The following ENG variants were observed in gnomAD, a reference collection of about 807,000 sequenced individuals.
ENG encodes the protein endoglin, also known as CD105 antigen.
Under a neutral mutation model 71.0 loss-of-function variants are expected in ENG, and 17 were observed. That is an observed-to-expected ratio of 0.24 (90% CI 0.16 to 0.36). ENG has a LOEUF of 0.36. ENG is among the 10% of genes least tolerant of loss of function. The probability of loss-of-function intolerance (pLI) is 1.00; values close to 1 mark genes in which losing one functional copy is unlikely to be tolerated. For synonymous variants in ENG, 360 were observed against 366.9 expected (o/e 0.98, Z 0.21); for missense variants, 749 against 868.3 (o/e 0.86, Z 1.73).
At chr9:127,828,172 C>A (rs918289026) in intron 3 of ENG, among the ~76,000 whole-genome samples, 2 of 152,088 alleles carry the variant, frequency 1.3e-5, no homozygotes, top group Non-Finnish European at 2.9e-5. Context: ...AATGGCCCAT[C>A]TAGAAGGAAG....
intron 10 of ENG, 89 bp downstream of exon 10, chr9:127,819,533 G>T (rs368202311): frequency 6.3e-7 from 1 of 1,577,884 alleles, no homozygotes; most frequent in Non-Finnish European, 8.7e-7. Flanking sequence ...GGAGTTTCCC[G>T]AGGCCTGCTC....
intron 10 of ENG, chr9:127,819,098 C>A: frequency 2.5e-6 from 1 of 401,212 alleles, no homozygotes; most frequent in Non-Finnish European, 4.7e-6. Context: ...CCACCACGCC[C>A]GGCTAATTTT....
rs369766351 is a variant in ENG, at chr9:127,818,114, A to C, written c.1686+6T>G. 3.6e-4 allele frequency: 578 copies of C among 1,613,876 alleles called. 1 individual carries two copies. Among genetic ancestry groups the C allele is most frequent in the Non-Finnish European group, 4.7e-4 (560 of 1,180,016 alleles). ...TGAAGCTGGGGCCGGCCCAGGCCCC[A>C]CTCACCTGGTCTTGAGACCCGGTCT... On this transcript the variant is annotated splice_donor_region_variant and intron_variant, in intron 12 of 14. Coordinates refer to ENST00000373203, the MANE Select transcript of ENG (RefSeq NM_001114753.3).
intron 3 of ENG, 34 bp from the exon 4 acceptor site, chr9:127,826,706 C>T (rs1830625936): frequency 1.2e-6 from 2 of 1,611,552 alleles, no homozygotes; most frequent in East Asian, 4.5e-5. Context: ...GCACGCTGTT[C>T]CTGGCCCTGT....
intron 8 of ENG, among the ~76,000 whole-genome samples, chr9:127,824,018 G>T (rs766610172): frequency 2.0e-5 from 3 of 152,084 alleles, no homozygotes; most frequent in Non-Finnish European, 2.9e-5. Flanking sequence ...CCAGCTCAGG[G>T]AGCATTTAGG....
chr9:127,819,521 CA>C (rs1394523479), intron 10 of ENG, 100 bp downstream of exon 10: 2 of 1,535,594 alleles, frequency 1.3e-6, no homozygotes, highest in African/African-American at 2.7e-5. Context: ...CATGGCTTGC[CA>C]GGAGTTTCCC....
chr9:127,837,425 GCTT>G (rs1338198156), intron 2 of ENG, among the ~76,000 whole-genome samples: 2 of 152,122 alleles, frequency 1.3e-5, no homozygotes, highest in African/African-American at 4.8e-5. Flanking sequence ...GGAGAGATAT[GCTT>G]CTTCCTCAGC....
rs1234849887 is a variant in ENG at position 127,846,336 on chromosome 9, G to A, written c.68-3091C>T. Among the ~76,000 whole-genome samples, 1 of 152,168 alleles carries A rather than the reference G, an allele frequency of 6.6e-6. No individual in the cohort carries two copies. Among genetic ancestry groups the A allele is most frequent in the Non-Finnish European group, 1.5e-5 (1 of 68,018 alleles). Reference sequence around the variant, plus strand: ...TGGGGAGACTGAGGTCTGGAGGGACGGGACAGGTCAAAGTCTCACAGCACA... The same window carrying A: ...TGGGGAGACTGAGGTCTGGAGGGACAGGACAGGTCAAAGTCTCACAGCACA... On this transcript the variant is annotated intron_variant, in intron 1 of 14. Coordinates refer to ENST00000373203, the MANE Select transcript of ENG (RefSeq NM_001114753.3). The surrounding 1 kb of genome is among the most constrained non-coding windows in gnomAD (Gnocchi z 5.5).
At chr9:127,817,477 C>T in intron 12 of ENG, 2 of 527,892 alleles carry the variant, frequency 3.8e-6, no homozygotes, top group East Asian at 7.0e-5. Flanking sequence ...ATCCCTCACC[C>T]TTGTGAACAC....
intron 4 of ENG, 37 bp downstream of exon 4, chr9:127,826,473 G>GT (rs781682841): frequency 1.9e-6 from 3 of 1,613,474 alleles, no homozygotes; most frequent in Non-Finnish European, 2.5e-6. Flanking sequence ...CTCCTGAGCA[G>GT]TATCATGAGC....
chr9:127,820,244 G>A (rs1830438969), intron 8 of ENG, among the ~76,000 whole-genome samples: 1 of 151,994 alleles, frequency 6.6e-6, no homozygotes. Context: ...TTTTTGCCCA[G>A]GTGCAGTGGC....
intron 1 of ENG, among the ~76,000 whole-genome samples, chr9:127,848,779 A>T (rs1362972238): frequency 2.0e-5 from 3 of 152,196 alleles, no homozygotes; most frequent in Non-Finnish European, 4.4e-5. Flanking sequence ...AGGAGAGTCC[A>T]CAGCATTCCA....
At chr9:127,827,962 T>C (rs1344715271) in intron 3 of ENG, among the ~76,000 whole-genome samples, 1 of 130,828 alleles carries the variant, frequency 7.6e-6, no homozygotes, top group Non-Finnish European at 1.5e-5. Context: ...AAGGTTGCAG[T>C]GAGGCGAGAT....
intron 5 of ENG, 99 bp from the exon 6 acceptor site, chr9:127,825,456 C>T: frequency 6.4e-7 from 1 of 1,572,178 alleles, no homozygotes; most frequent in Non-Finnish European, 8.6e-7. Context: ...CTTACCTGGC[C>T]AGGTGTGGGT....
At chr9:127,834,434 G>A (rs931287404) in intron 2 of ENG, among the ~76,000 whole-genome samples, 4 of 151,398 alleles carry the variant, frequency 2.6e-5, no homozygotes. Context: ...TTTTGAGATG[G>A]AGTCTTGCTC....
At chr9:127,817,748 T>C in intron 12 of ENG, 1 of 403,936 alleles carries the variant, frequency 2.5e-6, no homozygotes, top group African/African-American at 2.0e-5. Flanking sequence ...TGTCCGCCTC[T>C]CTTCCCTCAG....
At chr9:127,825,078 C>T in intron 6 of ENG, 104 bp from the exon 7 acceptor site, 1 of 1,585,318 alleles carries the variant, frequency 6.3e-7, no homozygotes, top group Non-Finnish European at 8.6e-7. Flanking sequence ...TGTCCCCACT[C>T]CTGCTGCGTC....
At chr9:127,850,104 C>A (rs4836585) in intron 1 of ENG, among the ~76,000 whole-genome samples, 113,994 of 152,114 alleles carry the variant, frequency 0.75, 45,894 homozygotes, top group East Asian at 0.92. Flanking sequence ...TGCCCCAAAG[C>A]CTGGGCTGGA....
intron 10 of ENG, chr9:127,819,232 C>A (rs1016384238): frequency 3.1e-6 from 1 of 325,966 alleles, no homozygotes; most frequent in Non-Finnish European, 5.8e-6. Flanking sequence ...CCACTGCGCC[C>A]GGCCCTTTTT....
Sources: allele counts gnomAD v4.1 joint callset (sites outside exome capture counted in the v4.1 genomes callset), GRCh38; gene constraint gnomAD v4.1.1; non-coding constraint Gnocchi (gnomAD v3.1); transcripts MANE v1.5; gene names NCBI Gene and HGNC (gene_info 2026-07-23, HGNC 2026-07-21).